SH2D4B: variants seen among roughly 807,000 people sequenced by gnomAD.
SH2D4B encodes the protein SH2 domain-containing protein 4B.
In SH2D4B, 45 loss-of-function variants were observed where a neutral mutation model predicts 61.5. The ratio of observed to expected loss-of-function variants is 0.73; its 90% CI spans 0.58 to 0.94. The LOEUF (loss-of-function observed/expected upper bound fraction) is 0.94. SH2D4B is among the 40% of genes least tolerant of loss of function. SH2D4B has a pLI of 0.00. For synonymous variants in SH2D4B, 224 were observed against 220.4 expected, an observed-to-expected ratio of 1.02 and a Z score of -0.14; for missense variants, 572 against 574.2, an observed-to-expected ratio of 1.00 and a Z score of 0.04.
rs1368207171 is a variant in SH2D4B at position 80,538,480 on chromosome 10, A to G, written c.149A>G (p.Gln50Arg). ...CGGGAGACTTGGGAGGCCCTGGCCC[A>G]GGACGAGGGTCTCAGGCCTCCAAAG... Reference protein sequence around the residue: ...KERETWEALAQDEGLRPPKTK... With the variant: ...KERETWEALARDEGLRPPKTK... The change falls in exon 1 of 8, where the codon CAG (glutamine) becomes CGG (arginine). Residue 50 changes from glutamine (Q) to arginine (R), a missense_variant. Gln to Arg is a conservative substitution (Grantham distance 43). Coordinates refer to ENST00000646907, the MANE Select transcript of SH2D4B (RefSeq NM_001388272.1). This position sits in a 1 kb window ranked among gnomAD's most constrained non-coding sequence, Gnocchi z 4.8. 2 of 1,449,844 alleles carry G rather than the reference A, an allele frequency of 1.4e-6. No homozygotes were observed. The highest frequency in any genetic ancestry group is 1.5e-5 in the South Asian group (1 of 66,418). The allele number at this position is 1,449,844 out of a possible 1,614,324, so 89.8% of individuals were successfully genotyped here. A position where few individuals can be genotyped will look rare whatever the true frequency, so the allele number is the denominator to read the frequency against.
rs565403989 is a variant in SH2D4B at position 80,612,644 on chromosome 10, A to G, written c.988+3093A>G. On this transcript the variant is annotated intron_variant, in intron 6 of 7. Transcript: ENST00000646907. ...TTCTTACGAGGAACTGCAGAGTCCT[A>G]TGTCAAAGGGTGTGGCAACAGAGAG... is the stretch of plus-strand genomic sequence containing the variant. 3.3e-5 allele frequency among the ~76,000 whole-genome samples: 5 copies of G among 152,364 alleles called. No individual in the cohort carries two copies. In the South Asian group the frequency reaches 8.3e-4, roughly 25 times the overall value.
intron 3 of SH2D4B, 133 bp from the exon 4 acceptor site, chr10:80,588,497 G>A (rs1410725027): frequency 1.7e-6 from 2 of 1,150,936 alleles, no homozygotes; most frequent in South Asian, 1.5e-5. Flanking sequence ...TTTCATACAT[G>A]TAGGGACTGA....
chr10:80,542,758 T>C (rs1258616865), intron 1 of SH2D4B, among the ~76,000 whole-genome samples: 8 of 152,042 alleles, frequency 5.3e-5, no homozygotes, highest in Admixed American at 2.0e-4. Context: ...TGTGACCGCC[T>C]CTCATCCTTC....
At chr10:80,559,952 C>T (rs894918088) in intron 1 of SH2D4B, among the ~76,000 whole-genome samples, 2 of 145,114 alleles carry the variant, frequency 1.4e-5, no homozygotes, top group Non-Finnish European at 3.0e-5. Context: ...AATCTATTTT[C>T]TTGCTATATA....
At chr10:80,555,989 A>G (rs1399937341) in intron 1 of SH2D4B, among the ~76,000 whole-genome samples, 2 of 152,190 alleles carry the variant, frequency 1.3e-5, no homozygotes, top group African/African-American at 4.8e-5. Flanking sequence ...TGTGATGAAC[A>G]TTTATGGCTT....
At chr10:80,638,046 T>A (rs1840216109) in intron 7 of SH2D4B, among the ~76,000 whole-genome samples, 1 of 152,366 alleles carries the variant, frequency 6.6e-6, no homozygotes, top group African/African-American at 2.4e-5. Flanking sequence ...GTGATAATCA[T>A]GTGGTTTTTG....
chr10:80,632,064 A>G (rs1033622791), intron 6 of SH2D4B, among the ~76,000 whole-genome samples: 1 of 152,022 alleles, frequency 6.6e-6, no homozygotes, highest in Admixed American at 6.6e-5. Flanking sequence ...CGGCCTCCCA[A>G]GTGGGTGTAG....
chr10:80,568,404 T>G (rs1332029508), intron 1 of SH2D4B, among the ~76,000 whole-genome samples: 1 of 152,070 alleles, frequency 6.6e-6, no homozygotes, highest in Non-Finnish European at 1.5e-5. Flanking sequence ...AGGAGGTGGG[T>G]GTCTCCTGGG....
chr10:80,590,067 G>C (rs1159209586), intron 4 of SH2D4B, among the ~76,000 whole-genome samples: 3 of 152,212 alleles, frequency 2.0e-5, no homozygotes, highest in African/African-American at 7.2e-5. Context: ...GGCACGGCAG[G>C]CCATGCAGGG....
At chr10:80,606,276 T>G (rs1008419671) in intron 5 of SH2D4B, among the ~76,000 whole-genome samples, 2 of 152,100 alleles carry the variant, frequency 1.3e-5, no homozygotes, top group East Asian at 1.9e-4. Flanking sequence ...CTTTTTTTTT[T>G]TTTTTAGTTT....
chr10:80,588,814 C>G (rs1199486966), intron 4 of SH2D4B, 37 bp downstream of exon 4: 1 of 1,610,200 alleles, frequency 6.2e-7, no homozygotes, highest in Non-Finnish European at 8.5e-7. Context: ...GGAGACCAGT[C>G]CCGCCTCCCC....
intron 6 of SH2D4B, among the ~76,000 whole-genome samples, chr10:80,625,864 A>G (rs7923243): frequency 0.032 from 4,840 of 152,198 alleles, 274 homozygotes; most frequent in African/African-American, 0.11. Flanking sequence ...GTGAGCCACC[A>G]TGCCTGGCCT....
rs145559152 is a variant in SH2D4B at position 80,595,998 on chromosome 10, G to A, written c.643+7221G>A. 7.2e-5 allele frequency among the ~76,000 whole-genome samples: 11 copies of A among 152,308 alleles called. No homozygotes were observed. The East Asian group carries it at 1.5e-3, about 21-fold the overall frequency. ...TTGGGCTGGGGAGGGAAATGTGGGTGGGGTCTGTTTATATTCAGGACCATG... is the reference window on the plus strand; with the variant it reads ...TTGGGCTGGGGAGGGAAATGTGGGTAGGGTCTGTTTATATTCAGGACCATG... On this transcript the variant is annotated intron_variant, in intron 4 of 7. Transcript: ENST00000646907.
At chr10:80,541,034 G>A (rs1841571819) in intron 1 of SH2D4B, 1 of 878,848 alleles carries the variant, frequency 1.1e-6, no homozygotes. Flanking sequence ...AACTGTTAGT[G>A]AGAAGCGAAA....
At chr10:80,619,232 C>G (rs1433073619) in intron 6 of SH2D4B, among the ~76,000 whole-genome samples, 2 of 152,188 alleles carry the variant, frequency 1.3e-5, no homozygotes. Context: ...AGTGCTGGCA[C>G]AGGAAGGGTG....
intron 1 of SH2D4B, among the ~76,000 whole-genome samples, chr10:80,549,203 T>TG (rs59438371): frequency 0.2 from 24,602 of 120,032 alleles, 2,759 homozygotes; most frequent in East Asian, 0.3. Flanking sequence ...TGGGACTTGA[T>TG]TGTGTGTGTG....
chr10:80,614,172 C>A (rs1842633300), intron 6 of SH2D4B, among the ~76,000 whole-genome samples: 1 of 152,098 alleles, frequency 6.6e-6, no homozygotes, highest in Non-Finnish European at 1.5e-5. Flanking sequence ...ATACCCGAGG[C>A]TGGGTAATTT....
chr10:80,575,577 A>G (rs940255933), intron 3 of SH2D4B, among the ~76,000 whole-genome samples: 1 of 152,012 alleles, frequency 6.6e-6, no homozygotes, highest in Non-Finnish European at 1.5e-5. Context: ...CCTGGCCAAC[A>G]TGGTGAAACT....
chr10:80,563,190 C>T (rs370667525), intron 1 of SH2D4B, among the ~76,000 whole-genome samples: 3 of 152,086 alleles, frequency 2.0e-5, no homozygotes, highest in Non-Finnish European at 4.4e-5. Context: ...CGTGAGCCAC[C>T]GCGCCCGGCC....
Sources: allele counts gnomAD v4.1 joint callset (sites outside exome capture counted in the v4.1 genomes callset), GRCh38; gene constraint gnomAD v4.1.1; non-coding constraint Gnocchi (gnomAD v3.1); transcripts MANE v1.5; gene names NCBI Gene and HGNC (gene_info 2026-07-23, HGNC 2026-07-21).